SPRR2G: variants seen among roughly 807,000 people sequenced by gnomAD.
The protein encoded by SPRR2G is small proline-rich protein 2G.
A neutral mutation model predicts 0.7 loss-of-function variants in SPRR2G; 1 was observed. That is an observed-to-expected ratio of 1.49 (90% CI 0.53 to 7.06). The LOEUF is 7.06. SPRR2G is among the 30% of genes most tolerant of loss of function. The pLI is 0.14. For synonymous variants in SPRR2G, 38 were observed against 33.9 expected (o/e 1.12, Z -0.42); for missense variants, 96 against 88.5 (o/e 1.09, Z -0.34).
chr1:153,168,846 G>A, the SPRR2G span, among the ~76,000 whole-genome samples: 1 of 151,940 alleles, frequency 6.6e-6, no homozygotes, highest in Non-Finnish European at 1.5e-5. Context: ...TAGGCTATGA[G>A]AGCACCCTAT....
the SPRR2G span, among the ~76,000 whole-genome samples, chr1:153,174,362 C>T: frequency 5.5e-4 from 83 of 152,066 alleles, 1 homozygote; most frequent in Non-Finnish European, 6.6e-4. Context: ...TTGGAAAAGC[C>T]GCAGAACCAG....
chr1:153,150,154 T>A, intron 1 of SPRR2G, 23 bp from the exon 2 acceptor site: 1 of 1,608,392 alleles, frequency 6.2e-7, no homozygotes, highest in Non-Finnish European at 8.5e-7. Context: ...TACGAAACAG[T>A]GCTCATAAGA....
chr1:153,154,790 A>G (rs1463499548), upstream of SPRR2G, among the ~76,000 whole-genome samples: 1 of 152,040 alleles, frequency 6.6e-6, no homozygotes, highest in African/African-American at 2.4e-5. Context: ...TGAGTCATCT[A>G]CAACTGCTGT....
chr1:153,194,184 A>C, the SPRR2G span, among the ~76,000 whole-genome samples: 1 of 152,218 alleles, frequency 6.6e-6, no homozygotes, highest in Non-Finnish European at 1.5e-5. Context: ...CTCCTGAAAA[A>C]AAAAGAGAGA....
the SPRR2G span, among the ~76,000 whole-genome samples, chr1:153,180,751 A>G: frequency 2.0e-5 from 3 of 152,208 alleles, no homozygotes; most frequent in Non-Finnish European, 4.4e-5. Flanking sequence ...GAAAGTTTCA[A>G]TTGCTCCACA....
chr1:153,164,663 A>T, the SPRR2G span, among the ~76,000 whole-genome samples: 1 of 152,192 alleles, frequency 6.6e-6, no homozygotes, highest in African/African-American at 2.4e-5. Context: ...TCTTTAGATT[A>T]CTTATAATAC....
chr1:153,168,698 T>C, the SPRR2G span, among the ~76,000 whole-genome samples: 2 of 152,062 alleles, frequency 1.3e-5, no homozygotes, highest in Admixed American at 6.6e-5. Context: ...GAAGAGAACA[T>C]AAAAGTATGC....
chr1:153,202,468 G>A, the SPRR2G span, among the ~76,000 whole-genome samples: 1 of 152,098 alleles, frequency 6.6e-6, no homozygotes, highest in African/African-American at 2.4e-5. Flanking sequence ...CAAAAACCTG[G>A]TGTCATCGTA....
the SPRR2G span, among the ~76,000 whole-genome samples, chr1:153,160,420 T>C: frequency 1.3e-5 from 2 of 152,206 alleles, no homozygotes; most frequent in Non-Finnish European, 2.9e-5. Flanking sequence ...TTTAGATATA[T>C]CCCCATAAAA....
chr1:153,153,735 T>G (rs1432585633), upstream of SPRR2G, among the ~76,000 whole-genome samples: 2 of 152,152 alleles, frequency 1.3e-5, no homozygotes, highest in Non-Finnish European at 2.9e-5. Context: ...TTAACATTTA[T>G]AGCCTAGTTC....
At chr1:153,183,940 T>A in the SPRR2G span, among the ~76,000 whole-genome samples, 1 of 152,154 alleles carries the variant, frequency 6.6e-6, no homozygotes. Flanking sequence ...CTACATGTGG[T>A]TAGGCAGTTT....
the SPRR2G span, among the ~76,000 whole-genome samples, chr1:153,193,545 A>G: frequency 6.6e-6 from 1 of 152,126 alleles, no homozygotes; most frequent in African/African-American, 2.4e-5. Flanking sequence ...TTTAAACTTC[A>G]TTTAATCCTA....
At chr1:153,162,643 C>T in the SPRR2G span, among the ~76,000 whole-genome samples, 70,109 of 151,872 alleles carry the variant, frequency 0.46, 17,461 homozygotes, top group Non-Finnish European at 0.57. Flanking sequence ...AGTGAGGGGC[C>T]GCAGGGTCCT....
the SPRR2G span, among the ~76,000 whole-genome samples, chr1:153,164,296 A>G: frequency 6.6e-6 from 1 of 152,324 alleles, no homozygotes; most frequent in South Asian, 2.1e-4. Flanking sequence ...GAATGGCAGG[A>G]CCATGAGGCC....
chr1:153,159,524 A>G, the SPRR2G span, among the ~76,000 whole-genome samples: 1 of 152,196 alleles, frequency 6.6e-6, no homozygotes, highest in Admixed American at 6.5e-5. Context: ...ATATCTGCCC[A>G]TTACCCACTT....
At chr1:153,178,474 T>C in the SPRR2G span, among the ~76,000 whole-genome samples, 2 of 152,178 alleles carry the variant, frequency 1.3e-5, no homozygotes, top group African/African-American at 2.4e-5. Flanking sequence ...CTTCATCGCA[T>C]AGAGAAAATT....
In SPRR2G at chr1:153,149,811, G is replaced by A. The variant is rs557666314; in HGVS notation, c.*78C>T. 48 of 1,553,268 alleles carry A rather than the reference G, an allele frequency of 3.1e-5. 1 individual carries two copies. In the South Asian group the frequency reaches 5.1e-4, roughly 16 times the overall value. ...GATGCAGCCTCCCACTACAGCTGAA[G>A]GGAAGATGATGGAGTCCTGGGAGTA... On this transcript the variant is annotated 3_prime_UTR_variant, in exon 2 of 2. Transcript: ENST00000368748.
At chr1:153,181,547 TC>T in the SPRR2G span, among the ~76,000 whole-genome samples, 1 of 152,056 alleles carries the variant, frequency 6.6e-6, no homozygotes, top group African/African-American at 2.4e-5. Context: ...AACCAACCTC[TC>T]TTTATCCCCC....
At chr1:153,161,565 T>C in the SPRR2G span, among the ~76,000 whole-genome samples, 1 of 152,000 alleles carries the variant, frequency 6.6e-6, no homozygotes, top group Non-Finnish European at 1.5e-5. Flanking sequence ...TGTCAAGAGG[T>C]TTTTAATTTG....
Sources: gnomAD v4.1 joint callset for allele counts (sites outside exome capture counted in the v4.1 genomes callset) on GRCh38, gnomAD v4.1.1 for gene constraint, MANE v1.5 for transcripts, NCBI Gene and HGNC (gene_info 2026-07-23, HGNC 2026-07-21) for gene names.